UBE3A: variants seen among roughly 807,000 people sequenced by gnomAD.
UBE3A encodes the protein ubiquitin protein ligase E3A, also known as ubiquitin-protein ligase E3A.
In UBE3A, 6 loss-of-function variants were observed where a neutral mutation model predicts 83.4. That is an observed-to-expected ratio of 0.07 (90% CI 0.04 to 0.14). The LOEUF is 0.14. Ranked by LOEUF, UBE3A falls within the 10% of genes least tolerant of loss-of-function variation. The pLI, the probability that UBE3A is intolerant of heterozygous loss-of-function variation, is 1.00. For synonymous variants in UBE3A, 337 were observed against 355.4 expected (o/e 0.95, Z 0.58); for missense variants, 456 against 1,036.1 (o/e 0.44, Z 7.69).
intron 2 of UBE3A, among the ~76,000 whole-genome samples, chr15:25,411,574 A>C (rs1200215182): frequency 1.3e-5 from 2 of 152,216 alleles, no homozygotes; most frequent in African/African-American, 4.8e-5. Context: ...TGGGCAACAG[A>C]GCAAGACTCT....
intron 4 of UBE3A, among the ~76,000 whole-genome samples, chr15:25,382,909 G>C (rs1377927022): frequency 1.3e-5 from 2 of 151,914 alleles, no homozygotes; most frequent in African/African-American, 4.8e-5. Flanking sequence ...TACAACTTCT[G>C]AATGGACCTA....
chr15:25,385,461 T>C lies in UBE3A; in HGVS notation c.63-9698A>G, dbSNP rs544436759. Among the ~76,000 whole-genome samples, 4 of 151,960 alleles carry C rather than the reference T, an allele frequency of 2.6e-5. 1 individual carries two copies. The highest frequency in any genetic ancestry group is 2.4e-5 in the African/African-American group (1 of 41,406). ...CAGAAAATAAGTATTGGTGAAGATA[T>C]GGAGAAACTGGAACCCTTATGCACC... is the stretch of plus-strand genomic sequence containing the variant. On this transcript the variant is annotated intron_variant, in intron 4 of 12. Transcript: ENST00000648336.
At position 25,356,363 on chromosome 15, in the gene UBE3A, C is replaced by A. The variant is rs576499731; in HGVS notation, c.1960-307G>T. Among the ~76,000 whole-genome samples, 14 of 152,166 alleles carry A rather than the reference C, an allele frequency of 9.2e-5. No homozygotes were observed. In the South Asian group the frequency reaches 2.9e-3, roughly 32 times the overall value. The stretch of plus-strand genomic sequence containing the variant: ...TGGGGGTGGTAGGAGCAGGCACACT[C>A]GTTGTAACTACCAAGACCCTTAGCC... On this transcript the variant is annotated intron_variant, in intron 8 of 12. Transcript: ENST00000648336.
At chr15:25,389,043 T>C (rs1156939195) in intron 4 of UBE3A, among the ~76,000 whole-genome samples, 1 of 152,108 alleles carries the variant, frequency 6.6e-6, no homozygotes. Context: ...AGATGGACAC[T>C]ACTGATTTCA....
At position 25,338,652 on chromosome 15, in the gene UBE3A, G is replaced by GAGTT. The variant is rs995812116; in HGVS notation, c.*481_*484dup. ...TTAAAAAAAATACAGTTCCTGATTT[G>GAGTT]AGTTAGATACAGGGACAAAAAAGTA... On this transcript the variant is annotated 3_prime_UTR_variant, in exon 13 of 13. Coordinates refer to ENST00000648336, the MANE Select transcript of UBE3A (RefSeq NM_130839.5). 7 of 152,086 alleles carry GAGTT rather than the reference G, an allele frequency of 4.6e-5. No homozygotes were observed. Among genetic ancestry groups the GAGTT allele is most frequent in the African/African-American group, 1.4e-4 (6 of 41,402 alleles). 9.4% of individuals were successfully genotyped at this position (152,086 alleles called of 1,614,324 possible). A position where few individuals can be genotyped will look rare whatever the true frequency, so the allele number is the denominator to read the frequency against.
intron 3 of UBE3A, chr15:25,406,972 T>C: frequency 1.4e-6 from 1 of 725,050 alleles, no homozygotes; most frequent in Non-Finnish European, 1.9e-6. Context: ...AACTGGGGCA[T>C]GCTGGAGGTG....
At chr15:25,364,075 A>AAATAAATAAATAAAT (rs1566926801) in intron 6 of UBE3A, among the ~76,000 whole-genome samples, 3 of 60,672 alleles carry the variant, frequency 4.9e-5, no homozygotes, top group African/African-American at 1.4e-4. Flanking sequence ...AATAAATAAA[A>AAATAAATAAATAAAT]AATAGTGGGG....
In UBE3A at chr15:25,408,319, C is replaced by G. The variant is rs575852972; in HGVS notation, c.20+769G>C. The G allele has an allele frequency of 5.5e-4, 236 of 425,800 alleles. 4 individuals are homozygous for G. The South Asian group carries it at 6.8e-3, about 12-fold the overall frequency. 26.4% of individuals were successfully genotyped at this position (425,800 alleles called of 1,614,324 possible). On this transcript the variant is annotated intron_variant, in intron 3 of 12. Transcript: ENST00000648336. ...TACTTATTCTTTTACTGCCAAGTTG[C>G]TGGAAGTAAGAATCCTGTATGTGCT...
In UBE3A at chr15:25,371,193, T is replaced by C. The variant is rs1555400511; in HGVS notation, c.981A>G (p.Lys327=). 2.5e-6 allele frequency: 4 copies of C among 1,614,168 alleles called. No homozygotes were observed. Among genetic ancestry groups the C allele is most frequent in the Non-Finnish European group, 2.5e-6 (3 of 1,180,028 alleles). The change falls in exon 6 of 13, where the codon AAA becomes AAG. Residue 327 remains lysine, a synonymous_variant. Coordinates refer to ENST00000648336, the MANE Select transcript of UBE3A (RefSeq NM_130839.5). This position sits in a 1 kb window ranked among gnomAD's most constrained non-coding sequence, Gnocchi z 5.3. ...TTCTCCGAATCTGGTCTGCATTGTA[T>C]TTAGACCACAGTCTGATCAGTTTTC... is the stretch of plus-strand genomic sequence containing the variant. ...AQGKLIRLWS[K]YNADQIRRMM...
rs2080050444 is a variant in UBE3A, at chr15:25,370,045, A to C, written c.1608+521T>G. On this transcript the variant is annotated intron_variant, in intron 6 of 12. Coordinates refer to ENST00000648336, the MANE Select transcript of UBE3A (RefSeq NM_130839.5). The surrounding 1 kb of genome is among the most constrained non-coding windows in gnomAD (Gnocchi z 4.2). ...AGTGCCGTCCACACAGGGATATTCT[A>C]AGTGGCCCAGCAGGACTCAACTCTT... Among the ~76,000 whole-genome samples, 1 of 152,172 alleles carries C rather than the reference A, an allele frequency of 6.6e-6. No homozygotes were observed. Among genetic ancestry groups the C allele is most frequent in the African/African-American group, 2.4e-5 (1 of 41,440 alleles).
At chr15:25,345,086 C>G (rs1439058662) in intron 11 of UBE3A, among the ~76,000 whole-genome samples, 1 of 152,066 alleles carries the variant, frequency 6.6e-6, no homozygotes, top group African/African-American at 2.4e-5. Flanking sequence ...TGGACAGAAA[C>G]AAAGCTCTGA....
At chr15:25,431,091 T>C (rs1893318570) in intron 1 of UBE3A, among the ~76,000 whole-genome samples, 1 of 152,216 alleles carries the variant, frequency 6.6e-6, no homozygotes, top group Non-Finnish European at 1.5e-5. Flanking sequence ...TACACTTAAG[T>C]GTTCTTCAAT....
intron 11 of UBE3A, among the ~76,000 whole-genome samples, chr15:25,352,943 AG>A (rs2076718798): frequency 1.3e-5 from 2 of 152,240 alleles, no homozygotes; most frequent in Admixed American, 1.3e-4. Context: ...TGTTATAAAA[AG>A]CTAGAAGTAA....
At chr15:25,345,423 G>A (rs1478295720) in intron 11 of UBE3A, among the ~76,000 whole-genome samples, 2 of 152,076 alleles carry the variant, frequency 1.3e-5, no homozygotes, top group Non-Finnish European at 2.9e-5. Flanking sequence ...TGGGATAGAG[G>A]AGTAAAGAAG....
At position 25,337,894 on chromosome 15, in the gene UBE3A, G is replaced by GTACTT. The variant is rs1332446489; in HGVS notation, c.*1238_*1242dup. On this transcript the variant is annotated 3_prime_UTR_variant, in exon 13 of 13. Transcript: ENST00000648336. ...GGAAATCAGTAATGTAAACCTACTT[G>GTACTT]TACTTTTCCATAGTACATGAAAGTA... is the stretch of plus-strand genomic sequence containing the variant. 1.3e-5 allele frequency: 2 copies of GTACTT among 152,122 alleles called. No homozygotes were observed. The highest frequency in any genetic ancestry group is 2.4e-5 in the African/African-American group (1 of 41,454). 9.4% of individuals were successfully genotyped at this position (152,122 alleles called of 1,614,324 possible).
At chr15:25,430,896 A>G (rs1170915516) in intron 1 of UBE3A, among the ~76,000 whole-genome samples, 1 of 152,200 alleles carries the variant, frequency 6.6e-6, no homozygotes, top group Non-Finnish European at 1.5e-5. Flanking sequence ...GGGAATAAGA[A>G]TGGGAAGGTG....
intron 2 of UBE3A, among the ~76,000 whole-genome samples, chr15:25,410,436 T>C (rs2089743455): frequency 6.6e-6 from 1 of 152,156 alleles, no homozygotes; most frequent in African/African-American, 2.4e-5. Context: ...GTGCAACTAG[T>C]TCTTTCCCCT....
chr15:25,341,388 A>G (rs1040710488), intron 11 of UBE3A, among the ~76,000 whole-genome samples: 3 of 151,902 alleles, frequency 2.0e-5, no homozygotes, highest in African/African-American at 7.3e-5. Flanking sequence ...AAATAATGTT[A>G]AGATTAAAAA....
At chr15:25,375,813 G>A in intron 4 of UBE3A, 50 bp from the exon 5 acceptor site, 5 of 1,595,954 alleles carry the variant, frequency 3.1e-6, no homozygotes, top group Non-Finnish European at 4.2e-6. Context: ...CAGCTCTCAA[G>A]TACAAAGCTC....
Sources: gnomAD v4.1 joint callset for allele counts (sites outside exome capture counted in the v4.1 genomes callset) on GRCh38, gnomAD v4.1.1 for gene constraint, Gnocchi (gnomAD v3.1) non-coding constraint, MANE v1.5 for transcripts, NCBI Gene and HGNC (gene_info 2026-07-23, HGNC 2026-07-21) for gene names.